The following CNTN4 variants were observed in gnomAD, a reference collection of about 807,000 sequenced individuals.
The protein encoded by CNTN4 is contactin-4.
CNTN4 carries 77 observed loss-of-function variants against 122.5 expected under a neutral mutation model. That is an observed-to-expected ratio of 0.63 (90% CI 0.52 to 0.76). The LOEUF (loss-of-function observed/expected upper bound fraction) is 0.76. CNTN4 is among the 30% of genes least tolerant of loss of function. The pLI, the probability that CNTN4 is intolerant of heterozygous loss-of-function variation, is 0.00. For synonymous variants in CNTN4, 512 were observed against 447.0 expected (o/e 1.15, Z -1.83); for missense variants, 1,256 against 1,259.1 (o/e 1.00, Z 0.04).
intron 2 of CNTN4, among the ~76,000 whole-genome samples, chr3:2,221,946 T>A (rs889493205): frequency 1.5e-4 from 23 of 152,200 alleles, no homozygotes; most frequent in Admixed American, 5.2e-4. Flanking sequence ...CATACACTGC[T>A]GGTAGAATTA....
intron 3 of CNTN4, among the ~76,000 whole-genome samples, chr3:2,358,630 A>C (rs1412876714): frequency 3.3e-5 from 5 of 152,202 alleles, no homozygotes; most frequent in Non-Finnish European, 5.9e-5. Flanking sequence ...TCCCCACACC[A>C]TTGCTTTTCC....
intron 12 of CNTN4, among the ~76,000 whole-genome samples, chr3:2,917,660 T>G (rs1386304998): frequency 6.6e-6 from 1 of 152,188 alleles, no homozygotes; most frequent in African/African-American, 2.4e-5. Context: ...ATTTTTATGG[T>G]CAATTAAATT....
intron 22 of CNTN4, 130 bp from the exon 23 acceptor site, chr3:3,043,462 C>G: frequency 2.6e-6 from 2 of 766,094 alleles, no homozygotes; most frequent in Middle Eastern, 2.5e-4. Context: ...ATTTTAGTGA[C>G]CTTGAAGACA....
At chr3:2,160,421 A>G (rs572000060) in intron 2 of CNTN4, among the ~76,000 whole-genome samples, 7 of 152,180 alleles carry the variant, frequency 4.6e-5, no homozygotes, top group Non-Finnish European at 8.8e-5. Context: ...ATGGCCTTAT[A>G]TTAGTTATCT....
intron 2 of CNTN4, among the ~76,000 whole-genome samples, chr3:2,282,483 G>A (rs2041754487): frequency 6.6e-6 from 1 of 151,954 alleles, no homozygotes; most frequent in Non-Finnish European, 1.5e-5. Flanking sequence ...TGTTCATTTA[G>A]TATATGGCCT....
At chr3:2,459,358 A>G (rs1013426975) in intron 3 of CNTN4, among the ~76,000 whole-genome samples, 1 of 152,136 alleles carries the variant, frequency 6.6e-6, no homozygotes, top group Admixed American at 6.6e-5. Context: ...ATGATATCTC[A>G]GAAGACAGTA....
At chr3:2,168,587 A>G (rs2036304943) in intron 2 of CNTN4, among the ~76,000 whole-genome samples, 1 of 152,112 alleles carries the variant, frequency 6.6e-6, no homozygotes, top group South Asian at 2.1e-4. Flanking sequence ...ATAAAAAGTG[A>G]ATAGTTATTT....
intron 2 of CNTN4, among the ~76,000 whole-genome samples, chr3:2,182,664 A>G (rs1160363312): frequency 6.6e-6 from 1 of 152,174 alleles, no homozygotes; most frequent in Non-Finnish European, 1.5e-5. Context: ...GCCATGGGCT[A>G]TATGACTCAT....
At chr3:2,898,725 A>T (rs1164187422) in intron 10 of CNTN4, among the ~76,000 whole-genome samples, 1 of 151,990 alleles carries the variant, frequency 6.6e-6, no homozygotes, top group Non-Finnish European at 1.5e-5. Flanking sequence ...TTGCCCTTCC[A>T]TTTTTTTCCT....
At chr3:2,551,839 G>GT (rs1266257960) in intron 3 of CNTN4, among the ~76,000 whole-genome samples, 1 of 151,870 alleles carries the variant, frequency 6.6e-6, no homozygotes, top group Non-Finnish European at 1.5e-5. Flanking sequence ...CTTTTTAAAG[G>GT]TTTTTTTCTT....
intron 4 of CNTN4, among the ~76,000 whole-genome samples, chr3:2,734,648 C>CT (rs71058638): frequency 0.58 from 81,456 of 139,424 alleles, 25,887 homozygotes; most frequent in Non-Finnish European, 0.73. Flanking sequence ...GCATGAAGTG[C>CT]TTTTTTTTTT....
intron 2 of CNTN4, among the ~76,000 whole-genome samples, chr3:2,214,753 G>C (rs994901611): frequency 6.6e-5 from 10 of 152,064 alleles, no homozygotes; most frequent in African/African-American, 2.4e-4. Flanking sequence ...TCTGTGAGGA[G>C]AGTGTTAGGC....
intron 4 of CNTN4, among the ~76,000 whole-genome samples, chr3:2,701,429 C>A (rs1430886345): frequency 1.3e-5 from 2 of 152,118 alleles, no homozygotes; most frequent in African/African-American, 4.8e-5. Flanking sequence ...GTGAGCATTG[C>A]CAGTGAAAAT....
chr3:2,158,663 G>C (rs2149162690), intron 2 of CNTN4, among the ~76,000 whole-genome samples: 1 of 152,314 alleles, frequency 6.6e-6, no homozygotes, highest in African/African-American at 2.4e-5. Context: ...GAGAATCAGA[G>C]TAGTTACAGC....
At chr3:2,858,972 T>C (rs1479933805) in intron 7 of CNTN4, among the ~76,000 whole-genome samples, 1 of 152,250 alleles carries the variant, frequency 6.6e-6, no homozygotes, top group Non-Finnish European at 1.5e-5. Context: ...TTAGTAACTA[T>C]ACTCACCATG....
chr3:2,382,011 A>G (rs1380620871), intron 3 of CNTN4, among the ~76,000 whole-genome samples: 1 of 152,128 alleles, frequency 6.6e-6, no homozygotes. Context: ...TTTCATTCAC[A>G]CACAAAAAAT....
chr3:2,390,438 T>C lies in CNTN4; in HGVS notation c.-89+51205T>C, dbSNP rs1048826108. Among the ~76,000 whole-genome samples, 2 of 152,128 alleles carry C rather than the reference T, an allele frequency of 1.3e-5. 1 individual carries two copies. The highest frequency in any genetic ancestry group is 4.2e-4 in the South Asian group (2 of 4,814). ...ATTAATATATAATCAGAGGGCAAAA[T>C]AGCCACACAGAAGCAGCTTCAAATA... On this transcript the variant is annotated intron_variant, in intron 3 of 24. Transcript: ENST00000418658.
At chr3:2,638,422 A>G (rs2082759551) in intron 4 of CNTN4, among the ~76,000 whole-genome samples, 1 of 152,162 alleles carries the variant, frequency 6.6e-6, no homozygotes, top group African/African-American at 2.4e-5. Context: ...ATGTAAATCG[A>G]ATTTTATTTG....
At chr3:2,340,532 T>G (rs2044142304) in intron 3 of CNTN4, among the ~76,000 whole-genome samples, 2 of 151,050 alleles carry the variant, frequency 1.3e-5, no homozygotes, top group Admixed American at 6.6e-5. Flanking sequence ...ACAGGAAAAT[T>G]TAGCCGGATA....
Sources: gnomAD v4.1 joint callset for allele counts (sites outside exome capture counted in the v4.1 genomes callset) on GRCh38, gnomAD v4.1.1 for gene constraint, MANE v1.5 for transcripts, NCBI Gene and HGNC (gene_info 2026-07-23, HGNC 2026-07-21) for gene names.